The following STRIP2 variants were observed in gnomAD, a reference collection of about 807,000 sequenced individuals.
STRIP2 encodes the protein striatin interacting protein 2, also known as striatin-interacting protein 2.
Under a neutral mutation model 107.1 loss-of-function variants are expected in STRIP2, and 84 were observed. The ratio of observed to expected loss-of-function variants is 0.78; its 90% CI spans 0.66 to 0.94. STRIP2 has a LOEUF of 0.94. Among genes scored for constraint, STRIP2 ranks in the 40% least tolerant of loss-of-function variants. The pLI is 0.00. For synonymous variants in STRIP2, 394 were observed against 400.4 expected (o/e 0.98, Z 0.19); for missense variants, 888 against 1,034.2 (o/e 0.86, Z 1.94).
chr7:129,453,416 C>G, intron 5 of STRIP2, 69 bp downstream of exon 5: 1 of 1,587,698 alleles, frequency 6.3e-7, no homozygotes, highest in Non-Finnish European at 8.6e-7. Context: ...ATGTTCTATG[C>G]TGCTTCCCTC....
At chr7:129,481,272 G>T (rs1013914170) in intron 19 of STRIP2, among the ~76,000 whole-genome samples, 2 of 150,434 alleles carry the variant, frequency 1.3e-5, no homozygotes, top group African/African-American at 4.9e-5. Flanking sequence ...GCCGAGGCGG[G>T]CAGATAACAA....
chr7:129,483,012 T>C lies in STRIP2; in HGVS notation c.2220T>C (p.Arg740=). The C allele has an allele frequency of 6.2e-7, 1 of 1,614,214 alleles. No homozygotes were observed. Among genetic ancestry groups the C allele is most frequent in the Non-Finnish European group, 8.5e-7 (1 of 1,180,042 alleles). ...TGTCAGCCATTTACCAGAAAGTGCG[T>C]CACCGCATGAACGATGACTGGGCTT... ...KTMSAIYQKV[R]HRMNDDWAYG... Residue 740 remains arginine (R), a synonymous_variant, in exon 20 of 21, where the codon CGT becomes CGC. Transcript: ENST00000249344. The surrounding 1 kb of genome is among the most constrained non-coding windows in gnomAD (Gnocchi z 5.1).
chr7:129,477,640 T>G lies in STRIP2; in HGVS notation c.1945-3145T>G, dbSNP rs1379737399. On this transcript the variant is annotated intron_variant, in intron 18 of 20. Coordinates refer to ENST00000249344, the MANE Select transcript of STRIP2 (RefSeq NM_020704.3). ...TCACTTGAGAACCATTACTCTCTTT[T>G]AAGCTATCCAGATCTATGTCCTTAA... is the stretch of plus-strand genomic sequence containing the variant. Among the ~76,000 whole-genome samples, 5 of 152,356 alleles carry G rather than the reference T, an allele frequency of 3.3e-5. 1 individual carries two copies. Among genetic ancestry groups the G allele is most frequent in the Admixed American group, 3.3e-4 (5 of 15,308 alleles).
At chr7:129,468,750 C>A (rs968742466) in intron 17 of STRIP2, among the ~76,000 whole-genome samples, 1 of 152,136 alleles carries the variant, frequency 6.6e-6, no homozygotes, top group South Asian at 2.1e-4. Flanking sequence ...TTAAAAGTAA[C>A]CAAAACTAGC....
At position 129,449,141 on chromosome 7, in the gene STRIP2, C is replaced by T. The variant is rs147750545; in HGVS notation, c.275-2472C>T. ...TAACTCCCCAAGCTGCAACATTGAA[C>T]GCAGAGCCCCTACTTAGTGGGCCTA... On this transcript the variant is annotated intron_variant, in intron 3 of 20. Coordinates refer to ENST00000249344, the MANE Select transcript of STRIP2 (RefSeq NM_020704.3). Among the ~76,000 whole-genome samples, 795 of 152,286 alleles carry T rather than the reference C, an allele frequency of 5.2e-3. 5 individuals carry two copies. Among genetic ancestry groups the T allele is most frequent in the South Asian group, 0.014 (68 of 4,830 alleles).
chr7:129,453,177 C>T (rs1359976571), intron 4 of STRIP2, 50 bp from the exon 5 acceptor site: 1 of 1,609,904 alleles, frequency 6.2e-7, no homozygotes, highest in East Asian at 2.2e-5. Flanking sequence ...GTGGAAAGAA[C>T]TGGGATACTG....
chr7:129,461,246 A>T lies in STRIP2; in HGVS notation c.1476+874A>T, dbSNP rs1798525651. 6.6e-6 allele frequency among the ~76,000 whole-genome samples: 1 copy of T among 152,208 alleles called. No individual in the cohort carries two copies. Among genetic ancestry groups the T allele is most frequent in the Non-Finnish European group, 1.5e-5 (1 of 68,032 alleles). Reference sequence around the variant, plus strand: ...CTGTTTTGGTCATACTAAGTTTTAGATGCCCATTAGATACCCATGTGGAGC... The same window carrying T: ...CTGTTTTGGTCATACTAAGTTTTAGTTGCCCATTAGATACCCATGTGGAGC... On this transcript the variant is annotated intron_variant, in intron 13 of 20. Transcript: ENST00000249344. The surrounding 1 kb of genome is among the most constrained non-coding windows in gnomAD (Gnocchi z 4.0).
At position 129,454,211 on chromosome 7, in the gene STRIP2, G is replaced by C; in HGVS notation, c.599+1G>C. 6.2e-7 allele frequency: 1 copy of C among 1,614,104 alleles called. No homozygotes were observed. The highest frequency in any genetic ancestry group is 1.3e-5 in the African/African-American group (1 of 75,054). On this transcript the variant is annotated splice_donor_variant, in intron 6 of 20. Transcript: ENST00000249344. LOFTEE classifies it high-confidence loss of function. ...CCATAGCTGATAGCACAGAGCTCAG[G>C]TGAGTGGGGCTAACTATGGGCTTGG...
At position 129,487,995 on chromosome 7, in the gene STRIP2, T is replaced by C. The variant is rs1470955659; in HGVS notation, c.*2166T>C. 6.6e-6 allele frequency: 1 copy of C among 152,144 alleles called. No individual in the cohort carries two copies. Among genetic ancestry groups the C allele is most frequent in the Non-Finnish European group, 1.5e-5 (1 of 68,024 alleles). The allele number at this position is 152,144 out of a possible 1,614,324, so 9.4% of individuals were successfully genotyped here. Reference sequence around the variant, plus strand: ...GATAAATGATTAGTTTCCAATCACATCATTTTTTTCCACAGACTTGCTGGG... The same window carrying C: ...GATAAATGATTAGTTTCCAATCACACCATTTTTTTCCACAGACTTGCTGGG... On this transcript the variant is annotated 3_prime_UTR_variant, in exon 21 of 21. Transcript: ENST00000249344.
At chr7:129,435,669 G>T (rs951831480) in intron 1 of STRIP2, among the ~76,000 whole-genome samples, 1 of 152,146 alleles carries the variant, frequency 6.6e-6, no homozygotes, top group African/African-American at 2.4e-5. Context: ...ACCTCAGAAG[G>T]TTGTGATAAA....
intron 1 of STRIP2, among the ~76,000 whole-genome samples, chr7:129,434,948 A>T (rs1293506420): frequency 2.0e-5 from 3 of 151,872 alleles, no homozygotes; most frequent in Admixed American, 6.5e-5. Flanking sequence ...ACGGGGGAAC[A>T]GGAGCGGAGA....
In STRIP2 at chr7:129,441,993, C is replaced by T. The variant is rs1453547012; in HGVS notation, c.199+1902C>T. Among the ~76,000 whole-genome samples the T allele has an allele frequency of 5.3e-5, 8 of 152,110 alleles. No homozygotes were observed. In the South Asian group the frequency reaches 1.0e-3, roughly 20 times the overall value. ...TTGTAATCCCAGCACTTTGGGAGGC[C>T]GAAGTGGGTAGATCACCTGTCAGGA... On this transcript the variant is annotated intron_variant, in intron 2 of 20. Transcript: ENST00000249344.
intron 16 of STRIP2, among the ~76,000 whole-genome samples, chr7:129,465,203 A>G (rs1206237540): frequency 6.6e-6 from 1 of 152,176 alleles, no homozygotes; most frequent in Non-Finnish European, 1.5e-5. Context: ...GTAGCCAATT[A>G]TAGAGAGATA....
In STRIP2 at chr7:129,458,684, G is replaced by A. The variant is rs1305247410; in HGVS notation, c.1275-28G>A. The A allele has an allele frequency of 1.2e-6, 2 of 1,613,308 alleles. No homozygotes were observed. The highest frequency in any genetic ancestry group is 1.7e-6 in the Non-Finnish European group (2 of 1,179,378). On this transcript the variant is annotated intron_variant, in intron 10 of 20. Transcript: ENST00000249344. The surrounding 1 kb of genome is among the most constrained non-coding windows in gnomAD (Gnocchi z 4.6). ...AAAGTTTGCTTTTCTTCCCTTCTCT[G>A]GGATTGGTCTTTCCACCATCCTCTC...
intron 18 of STRIP2, among the ~76,000 whole-genome samples, chr7:129,477,039 G>T (rs1451316577): frequency 6.6e-6 from 1 of 151,662 alleles, no homozygotes; most frequent in East Asian, 1.9e-4. Flanking sequence ...GTCAGGCGTG[G>T]CGGCGCGCGC....
At chr7:129,437,798 CTTG>C (rs1320733312) in intron 1 of STRIP2, among the ~76,000 whole-genome samples, 1 of 93,724 alleles carries the variant, frequency 1.1e-5, no homozygotes, top group Non-Finnish European at 2.3e-5. Context: ...CATGATTCGC[CTTG>C]TTTTTTTTTG....
intron 13 of STRIP2, 78 bp from the exon 14 acceptor site, chr7:129,462,888 C>A: frequency 8.9e-7 from 1 of 1,118,224 alleles, no homozygotes; most frequent in Non-Finnish European, 1.3e-6. Flanking sequence ...CTTTTCAGGT[C>A]ACCCCTCACA....
chr7:129,450,980 A>G (rs1206794220), intron 3 of STRIP2, among the ~76,000 whole-genome samples: 1 of 107,000 alleles, frequency 9.3e-6, no homozygotes, highest in African/African-American at 3.8e-5. Flanking sequence ...TCTGTCGCCC[A>G]GGCTGGAGTG....
chr7:129,479,382 A>G (rs1179280198), intron 18 of STRIP2, among the ~76,000 whole-genome samples: 1 of 152,140 alleles, frequency 6.6e-6, no homozygotes, highest in Non-Finnish European at 1.5e-5. Flanking sequence ...CTGATGCACT[A>G]CAGTAGAAAG....
Sources: gnomAD v4.1 joint callset for allele counts (sites outside exome capture counted in the v4.1 genomes callset) on GRCh38, gnomAD v4.1.1 for gene constraint, Gnocchi (gnomAD v3.1) non-coding constraint, MANE v1.5 for transcripts, NCBI Gene and HGNC (gene_info 2026-07-23, HGNC 2026-07-21) for gene names.